Variants in DCBLD1 observed in about 807,000 individuals in gnomAD.
DCBLD1 encodes discoidin, CUB and LCCL domain containing 1.
In DCBLD1, 57 loss-of-function variants were observed where a neutral mutation model predicts 71.5. That is an observed-to-expected ratio of 0.80 (90% confidence interval 0.64 to 0.99). DCBLD1 has a LOEUF of 0.99. Among genes scored for constraint, DCBLD1 ranks in the 50% least tolerant of loss-of-function variants. DCBLD1 has a pLI of 0.00. For synonymous variants in DCBLD1, 380 were observed against 363.8 expected (o/e 1.04, Z -0.51); for missense variants, 891 against 923.5 (o/e 0.96, Z 0.46).
At chr6:117,541,631 A>G (rs1024438452) in intron 11 of DCBLD1, among the ~76,000 whole-genome samples, 4 of 152,242 alleles carry the variant, frequency 2.6e-5, no homozygotes, top group African/African-American at 7.2e-5. Flanking sequence ...TTCAGAATAT[A>G]AAATAATTTG....
At chr6:117,483,700 G>A (rs1004049627) in intron 1 of DCBLD1, among the ~76,000 whole-genome samples, 1 of 127,296 alleles carries the variant, frequency 7.9e-6, no homozygotes, top group African/African-American at 3.8e-5. Flanking sequence ...ATTAATTAGT[G>A]CTTTTTTTTT....
rs1400999220 is a variant in DCBLD1, at chr6:117,549,477, G to A, written c.*1038G>A. ...TTCCAGAACAGTCCAGACATCAGCT[G>A]TACCTCATGCTCAGTAGTTTTTATT... On this transcript the variant is annotated 3_prime_UTR_variant, in exon 15 of 15. Transcript: ENST00000338728. 3 of 985,274 alleles carry A rather than the reference G, an allele frequency of 3.0e-6. No individual in the cohort carries two copies. Among genetic ancestry groups the A allele is most frequent in the Admixed American group, 1.2e-4 (2 of 16,252 alleles). 61.0% of individuals were successfully genotyped at this position (985,274 alleles called of 1,614,324 possible). A position where few individuals can be genotyped will look rare whatever the true frequency, so the allele number is the denominator to read the frequency against.
chr6:117,542,530 C>CA lies in DCBLD1; in HGVS notation c.1358-594_1358-593insA, dbSNP rs1779131805. 2.0e-5 allele frequency among the ~76,000 whole-genome samples: 3 copies of CA among 152,106 alleles called. No individual in the cohort carries two copies. The South Asian group carries it at 6.2e-4, about 32-fold the overall frequency. On this transcript the variant is annotated intron_variant, in intron 11 of 14. Transcript: ENST00000338728. ...CTGCCTTGGTGGCTGTCAAAGTGTC[C>CA]TTTTTTTAGAGCAGAAAGAGTTGCA... is the stretch of plus-strand genomic sequence containing the variant.
intron 1 of DCBLD1, among the ~76,000 whole-genome samples, chr6:117,500,858 G>A (rs13206490): frequency 0.26 from 38,922 of 151,764 alleles, 5,084 homozygotes; most frequent in South Asian, 0.39. Context: ...GTGAGACTTC[G>A]TCTCAAAAAA....
intron 1 of DCBLD1, among the ~76,000 whole-genome samples, chr6:117,500,390 C>G (rs1777613962): frequency 2.0e-5 from 3 of 152,116 alleles, no homozygotes; most frequent in Admixed American, 2.0e-4. Context: ...GGGTTTTGTT[C>G]TGATAGTTAA....
At chr6:117,563,199 G>C (rs1200484914) in intron 14 of DCBLD1, 1 of 1,538,556 alleles carries the variant, frequency 6.5e-7, no homozygotes, top group East Asian at 2.3e-5. Flanking sequence ...ATCTTCCCCA[G>C]TGCCCCAAAT....
chr6:117,568,414 A>C (rs1422637543), intron 14 of DCBLD1, among the ~76,000 whole-genome samples: 1 of 152,172 alleles, frequency 6.6e-6, no homozygotes, highest in East Asian at 1.9e-4. Context: ...CAGCAGTTTA[A>C]GGTTATACCT....
Position 117,525,361 on chromosome 6 carries a change from G to A in DCBLD1, c.513-1G>A. ...TAAATTATTTATTTTTCTTTTTCCA[G>A]CAAATTCTGCCCAGCTGGTTGTAGA... On this transcript the variant is annotated splice_acceptor_variant, in intron 4 of 14. Transcript: ENST00000338728. LOFTEE classifies it high-confidence loss of function. 6.9e-7 allele frequency: 1 copy of A among 1,451,802 alleles called. No individual in the cohort carries two copies. The highest frequency in any genetic ancestry group is 1.5e-5 in the African/African-American group (1 of 68,484). 89.9% of individuals were successfully genotyped at this position (1,451,802 alleles called of 1,614,324 possible).
chr6:117,520,269 T>C (rs1778344043), intron 3 of DCBLD1, among the ~76,000 whole-genome samples: 2 of 152,326 alleles, frequency 1.3e-5, no homozygotes, highest in South Asian at 4.1e-4. Flanking sequence ...TACGAAACTT[T>C]AGGAATTTGT....
chr6:117,517,633 T>C (rs1487990350), intron 2 of DCBLD1, among the ~76,000 whole-genome samples: 1 of 152,188 alleles, frequency 6.6e-6, no homozygotes, highest in Non-Finnish European at 1.5e-5. Context: ...CCATACGTCT[T>C]CTGAAATCTA....
intron 14 of DCBLD1, chr6:117,563,431 G>A: frequency 6.2e-7 from 1 of 1,601,792 alleles, no homozygotes; most frequent in South Asian, 1.1e-5. Context: ...GGTTTAAAAA[G>A]TTGGTTTTGG....
chr6:117,533,344 A>G (rs554477656), intron 6 of DCBLD1, among the ~76,000 whole-genome samples: 2 of 152,024 alleles, frequency 1.3e-5, no homozygotes, highest in South Asian at 2.1e-4. Context: ...TGCCCTTGCT[A>G]TTTTGTCCTA....
downstream of DCBLD1, among the ~76,000 whole-genome samples, chr6:117,554,535 T>G (rs970568688): frequency 6.6e-6 from 1 of 152,230 alleles, no homozygotes; most frequent in Non-Finnish European, 1.5e-5. Flanking sequence ...CATCTGGTTA[T>G]AGATATGAAT....
At position 117,503,921 on chromosome 6, in the gene DCBLD1, C is replaced by T. The variant is rs76896058; in HGVS notation, c.267C>T (p.Ile89=). The T allele has an allele frequency of 4.5e-4, 731 of 1,614,102 alleles. 1 individual carries two copies. The African/African-American group carries it at 8.8e-3, about 19-fold the overall frequency. Residue 89 remains isoleucine, a synonymous_variant, in exon 2 of 15, where the codon ATC becomes ATT. Coordinates refer to ENST00000338728, the MANE Select transcript of DCBLD1 (RefSeq NM_001366458.2). ...RLILRLGDLD[I]ESQTCASDYL... ...TTCTGAGGTTGGGAGATTTGGATAT[C>T]GAATCCCAGACCTGTGCTTCTGACT...
chr6:117,538,787 C>T lies in DCBLD1; in HGVS notation c.928C>T (p.Pro310Ser). Residue 310 changes from proline (P) to serine (S), a missense_variant, in exon 8 of 15, where the codon CCA becomes TCA. Transcript: ENST00000338728. ...ASGDSSNNHK[P>S]REWLEIDLGE... ...GGGCGACAGTAGCAACAACCACAAA[C>T]CACGAGAGTGGCTGGAGATCGATTT... 1 of 1,614,074 alleles carries T rather than the reference C, an allele frequency of 6.2e-7. No homozygotes were observed. Among genetic ancestry groups the T allele is most frequent in the Non-Finnish European group, 8.5e-7 (1 of 1,180,018 alleles).
chr6:117,521,505 A>G lies in DCBLD1; in HGVS notation c.461-20A>G, dbSNP rs1467248706. 17 of 1,559,418 alleles carry G rather than the reference A, an allele frequency of 1.1e-5. No homozygotes were observed. The East Asian group carries it at 3.7e-4, about 34-fold the overall frequency. ...GTTTTTATTCATTCTATTAATTGCA[A>G]TTATCTTTATTTATGACAGATTTAA... On this transcript the variant is annotated intron_variant, in intron 3 of 14. Transcript: ENST00000338728.
intron 2 of DCBLD1, among the ~76,000 whole-genome samples, chr6:117,513,852 T>C (rs185555303): frequency 5.9e-5 from 9 of 152,312 alleles, no homozygotes; most frequent in African/African-American, 2.2e-4. Flanking sequence ...CCAGTGAAAT[T>C]GTCTTTGTAA....
chr6:117,545,199 C>T (rs946752730), intron 13 of DCBLD1, among the ~76,000 whole-genome samples: 5 of 152,000 alleles, frequency 3.3e-5, no homozygotes, highest in East Asian at 2.0e-4. Flanking sequence ...TGCAGATTGT[C>T]GGAGACCATA....
intron 14 of DCBLD1, among the ~76,000 whole-genome samples, chr6:117,569,257 G>A (rs1482736305): frequency 2.6e-5 from 4 of 152,058 alleles, no homozygotes; most frequent in African/African-American, 9.7e-5. Context: ...TCAGTCTCAG[G>A]TCCTGTTCTG....
Sources: allele counts gnomAD v4.1 joint callset (sites outside exome capture counted in the v4.1 genomes callset), GRCh38; gene constraint gnomAD v4.1.1; transcripts MANE v1.5; gene names NCBI Gene and HGNC (gene_info 2026-07-23, HGNC 2026-07-21).